Variants in XG observed in about 807,000 individuals in gnomAD.
XG encodes the protein Xg glycoprotein (Xg blood group), also known as glycoprotein Xg.
In XG, 24 loss-of-function variants were observed where a neutral mutation model predicts 25.7. That is an observed-to-expected ratio of 0.93 (90% CI 0.68 to 1.31). The LOEUF is 1.31. Among genes scored for constraint, XG ranks in the 40% most tolerant of loss-of-function variants. XG has a pLI of 0.00. For synonymous variants in XG, 77 were observed against 69.2 expected (o/e 1.11, Z -0.56); for missense variants, 181 against 187.6 (o/e 0.96, Z 0.21).
intron 4 of XG, among the ~76,000 whole-genome samples, chrX:2,788,592 T>C (rs887011979): frequency 2.7e-4 from 30 of 111,448 alleles, no homozygotes; most frequent in Admixed American, 3.8e-4. Context: ...CGGTGGCTCA[T>C]GCGTGTAATC....
chrX:2,752,221 C>T lies in XG; in HGVS notation c.-54C>T, dbSNP rs2050344328. ...ACAGGAGGGTGGAGAGGCCGGGTCT[C>T]ACAATCCGCTTGGCTGGGGAGTCCA... is the stretch of plus-strand genomic sequence containing the variant. On this transcript the variant is annotated 5_prime_UTR_variant, in exon 1 of 11. Coordinates refer to ENST00000644266, the MANE Select transcript of XG (RefSeq NM_001141919.2). 1.9e-6 allele frequency: 3 copies of T among 1,612,550 alleles called. No homozygotes were observed. Among genetic ancestry groups the T allele is most frequent in the African/African-American group, 1.3e-5 (1 of 74,924 alleles).
chrX:2,774,004 C>T (rs1040628296), intron 2 of XG, among the ~76,000 whole-genome samples: 2 of 149,882 alleles, frequency 1.3e-5, no homozygotes, highest in South Asian at 2.1e-4. Context: ...AGTGAATGTC[C>T]GCACCACACA....
chrX:2,754,788 G>T (rs2050399991), intron 1 of XG, among the ~76,000 whole-genome samples: 1 of 152,170 alleles, frequency 6.6e-6, no homozygotes, highest in Non-Finnish European at 1.5e-5. Context: ...TCTAGCCACA[G>T]CGGCAGCTGA....
intron 5 of XG, among the ~76,000 whole-genome samples, chrX:2,793,898 G>A (rs928295706): frequency 9.0e-6 from 1 of 111,114 alleles, no homozygotes; most frequent in African/African-American, 3.3e-5. Context: ...TGGTTGATGG[G>A]GCAAGAGGAG....
intron 9 of XG, among the ~76,000 whole-genome samples, chrX:2,808,814 G>T (rs2147095750): frequency 9.0e-6 from 1 of 111,523 alleles, no homozygotes; most frequent in Non-Finnish European, 1.9e-5. Context: ...AATTATGGGG[G>T]AGGAGAAAGT....
intron 1 of XG, among the ~76,000 whole-genome samples, chrX:2,756,528 T>G (rs1250002382): frequency 6.6e-6 from 1 of 152,236 alleles, no homozygotes; most frequent in Non-Finnish European, 1.5e-5. Context: ...TTACAAATTA[T>G]ATAAATGTAT....
chrX:2,759,349 G>T (rs926469036), intron 1 of XG, among the ~76,000 whole-genome samples: 28 of 152,286 alleles, frequency 1.8e-4, no homozygotes, highest in African/African-American at 5.8e-4. Context: ...GGGACAGGTT[G>T]GAAATGTCAT....
chrX:2,793,988 G>A (rs1413797919), intron 5 of XG, among the ~76,000 whole-genome samples: 6 of 110,870 alleles, frequency 5.4e-5, no homozygotes, highest in African/African-American at 2.0e-4. Context: ...ATGAGATGAT[G>A]TTGGAGGATT....
chrX:2,790,863 C>T (rs1204397999), intron 5 of XG, among the ~76,000 whole-genome samples: 1 of 111,934 alleles, frequency 8.9e-6, no homozygotes, highest in Non-Finnish European at 1.9e-5. Flanking sequence ...TTCTCATCTC[C>T]ATGGTGAAAG....
chrX:2,769,238 G>A (rs373451514), intron 1 of XG, among the ~76,000 whole-genome samples: 4 of 152,340 alleles, frequency 2.6e-5, no homozygotes, highest in African/African-American at 7.2e-5. Flanking sequence ...GAGGCAGACC[G>A]ATTTTTGGGA....
intron 1 of XG, among the ~76,000 whole-genome samples, chrX:2,763,557 G>A (rs1469306299): frequency 6.6e-6 from 1 of 152,138 alleles, no homozygotes; most frequent in Non-Finnish European, 1.5e-5. Context: ...ATTGATTTCT[G>A]CTGACCCCAA....
intron 7 of XG, among the ~76,000 whole-genome samples, chrX:2,806,189 C>T (rs758018549): frequency 4.6e-5 from 5 of 108,828 alleles, no homozygotes; most frequent in Non-Finnish European, 9.5e-5. Flanking sequence ...CACATCACCA[C>T]ACCCAGCTAT....
At chrX:2,776,429 C>A (rs2050992714) in intron 3 of XG, among the ~76,000 whole-genome samples, 1 of 152,078 alleles carries the variant, frequency 6.6e-6, no homozygotes, top group Non-Finnish European at 1.5e-5. Flanking sequence ...CCGGGAACTG[C>A]GGATGTAGCT....
chrX:2,807,426 G>A (rs2087010367), intron 8 of XG, among the ~76,000 whole-genome samples: 4 of 112,595 alleles, frequency 3.6e-5, no homozygotes, highest in African/African-American at 1.3e-4. Flanking sequence ...GTGTGTACAG[G>A]CATGCACACA....
intron 1 of XG, among the ~76,000 whole-genome samples, chrX:2,770,014 T>TGGGGGGGGG: frequency 1.2e-5 from 1 of 82,918 alleles, no homozygotes; most frequent in Non-Finnish European, 2.5e-5. Context: ...TCTGTGCGTG[T>TGGGGGGGGG]GTGGAGGGGT....
rs200710230 is a variant in XG, at chrX:2,788,957, G to GTGGC, written c.191-685_191-682dup. 8.4e-4 allele frequency among the ~76,000 whole-genome samples: 94 copies of GTGGC among 111,743 alleles called. No homozygotes were observed. In the East Asian group the frequency reaches 0.016, roughly 19 times the overall value. ...AAATTCAAATGAAGCCAGGCTCAGT[G>GTGGC]TGGCTAATGCCTATGATGATTCCAG... On this transcript the variant is annotated intron_variant, in intron 4 of 10. Coordinates refer to ENST00000644266, the MANE Select transcript of XG (RefSeq NM_001141919.2).
rs184759865 is a variant in XG at position 2,778,511 on chromosome X, C to T, written c.128-3555C>T. ...GAGCCATGATCACGCCACTGCACTC[C>T]AGCCTGCGTGACAGAGCAAGACCCT... On this transcript the variant is annotated intron_variant, in intron 3 of 10. Transcript: ENST00000644266. Among the ~76,000 whole-genome samples the T allele has an allele frequency of 3.6e-3, 553 of 152,114 alleles. 2 individuals are homozygous for T. Among genetic ancestry groups the T allele is most frequent in the African/African-American group, 0.012 (517 of 41,492 alleles).
intron 8 of XG, among the ~76,000 whole-genome samples, chrX:2,807,821 AGT>A (rs1462857914): frequency 1.8e-5 from 2 of 111,144 alleles, no homozygotes; most frequent in African/African-American, 6.6e-5. Flanking sequence ...TGTGCATGTC[AGT>A]GTGTGTTGCA....
At chrX:2,752,632 T>A (rs969396607) in intron 1 of XG, among the ~76,000 whole-genome samples, 1 of 152,166 alleles carries the variant, frequency 6.6e-6, no homozygotes, top group Non-Finnish European at 1.5e-5. Flanking sequence ...AAATGACCTA[T>A]TTAACTCCAT....
Sources: gnomAD v4.1 joint callset for allele counts (sites outside exome capture counted in the v4.1 genomes callset) on GRCh38, gnomAD v4.1.1 for gene constraint, MANE v1.5 for transcripts, NCBI Gene and HGNC (gene_info 2026-07-23, HGNC 2026-07-21) for gene names.